The following ADK variants were observed in gnomAD, a reference collection of about 807,000 sequenced individuals.
The protein encoded by ADK is adenosine kinase.
Under a neutral mutation model 44.7 loss-of-function variants are expected in ADK, and 24 were observed. That is an observed-to-expected ratio of 0.54 (90% CI 0.39 to 0.76). ADK has a LOEUF of 0.76. Ranked by LOEUF, ADK falls within the 30% of genes least tolerant of loss-of-function variation. ADK has a pLI of 0.00. For synonymous variants in ADK, 128 were observed against 142.6 expected, an observed-to-expected ratio of 0.90 and a Z score of 0.73; for missense variants, 321 against 425.1, an observed-to-expected ratio of 0.76 and a Z score of 2.15.
intron 9 of ADK, among the ~76,000 whole-genome samples, chr10:74,602,883 T>A (rs1852190461): frequency 1.3e-5 from 2 of 152,194 alleles, no homozygotes; most frequent in African/African-American, 4.8e-5. Context: ...TAAAAGAGAA[T>A]TAAAGATTTT....
intron 6 of ADK, among the ~76,000 whole-genome samples, chr10:74,513,294 G>A (rs568131754): frequency 1.4e-3 from 208 of 152,230 alleles, no homozygotes; most frequent in Non-Finnish European, 2.3e-3. Flanking sequence ...GTTTAACTCT[G>A]ATGTTTCTTT....
intron 1 of ADK, among the ~76,000 whole-genome samples, chr10:74,161,866 C>T (rs1472558426): frequency 1.3e-5 from 2 of 151,836 alleles, no homozygotes; most frequent in Admixed American, 1.3e-4. Flanking sequence ...CCACTGTGCC[C>T]AGCTAATTAA....
intron 3 of ADK, among the ~76,000 whole-genome samples, chr10:74,265,406 G>A (rs1846179134): frequency 6.6e-6 from 1 of 151,856 alleles, no homozygotes; most frequent in Admixed American, 6.6e-5. Flanking sequence ...AGTAGAGACG[G>A]GGTTTCACCA....
At chr10:74,206,474 CA>C (rs1843601386) in intron 2 of ADK, among the ~76,000 whole-genome samples, 1 of 152,158 alleles carries the variant, frequency 6.6e-6, no homozygotes, top group Admixed American at 6.5e-5. Context: ...AAACTGTTTT[CA>C]GATGACAACA....
chr10:74,431,287 T>G (rs1201826143), intron 6 of ADK, among the ~76,000 whole-genome samples: 1 of 152,114 alleles, frequency 6.6e-6, no homozygotes, highest in African/African-American at 2.4e-5. Flanking sequence ...CAGAAACCAA[T>G]AGATTGCCTT....
At chr10:74,472,619 G>C (rs562363819) in intron 6 of ADK, among the ~76,000 whole-genome samples, 1 of 151,990 alleles carries the variant, frequency 6.6e-6, no homozygotes. Context: ...ATGCATTGTC[G>C]TCTGGTAGCT....
chr10:74,558,784 C>A (rs1392458643), intron 7 of ADK, among the ~76,000 whole-genome samples: 2 of 152,138 alleles, frequency 1.3e-5, no homozygotes, highest in Non-Finnish European at 2.9e-5. Flanking sequence ...CTTCTGGAAG[C>A]TAGAAAGGCA....
chr10:74,465,889 G>A (rs913577362), intron 6 of ADK, among the ~76,000 whole-genome samples: 1 of 151,976 alleles, frequency 6.6e-6, no homozygotes, highest in Non-Finnish European at 1.5e-5. Flanking sequence ...TAATTTTTTT[G>A]TCTCAAACTT....
intron 7 of ADK, among the ~76,000 whole-genome samples, chr10:74,559,602 A>G (rs1209256558): frequency 6.6e-6 from 1 of 152,202 alleles, no homozygotes; most frequent in Non-Finnish European, 1.5e-5. Flanking sequence ...CTTTTGATAC[A>G]TTTTACCAAA....
intron 9 of ADK, among the ~76,000 whole-genome samples, chr10:74,612,393 T>A (rs1056055691): frequency 1.3e-5 from 2 of 152,124 alleles, no homozygotes; most frequent in African/African-American, 4.8e-5. Context: ...AGTGCTGAGA[T>A]TACAGACATG....
rs1841573321 is a variant in ADK, at chr10:74,151,240, A to G, written c.-39A>G. 1 of 1,548,562 alleles carries G rather than the reference A, an allele frequency of 6.5e-7. No homozygotes were observed. Among genetic ancestry groups the G allele is most frequent in the Non-Finnish European group, 8.7e-7 (1 of 1,145,956 alleles). The stretch of plus-strand genomic sequence containing the variant: ...GGCGGGACCAGAGAGTGGATGGCAG[A>G]GGTGGGCTGTAGAGCCAAAGTGGGG... On this transcript the variant is annotated 5_prime_UTR_variant, in exon 1 of 11. Coordinates refer to ENST00000539909, the MANE Select transcript of ADK (RefSeq NM_006721.4).
At chr10:74,444,394 T>C (rs1388112030) in intron 6 of ADK, among the ~76,000 whole-genome samples, 1 of 152,136 alleles carries the variant, frequency 6.6e-6, no homozygotes, top group African/African-American at 2.4e-5. Flanking sequence ...GTAAGTAGAC[T>C]TGCCCATCTC....
intron 7 of ADK, among the ~76,000 whole-genome samples, chr10:74,534,115 GT>G (rs925581128): frequency 6.6e-6 from 1 of 152,198 alleles, no homozygotes; most frequent in African/African-American, 2.4e-5. Flanking sequence ...TGGGGACAGG[GT>G]TATGCTATGA....
chr10:74,666,652 T>C (rs1854965544), intron 9 of ADK, among the ~76,000 whole-genome samples: 1 of 152,106 alleles, frequency 6.6e-6, no homozygotes, highest in Non-Finnish European at 1.5e-5. Flanking sequence ...ATTTCATGCC[T>C]AAGAAAACTA....
At chr10:74,657,088 A>C (rs1278365717) in intron 9 of ADK, among the ~76,000 whole-genome samples, 1 of 151,854 alleles carries the variant, frequency 6.6e-6, no homozygotes, top group East Asian at 1.9e-4. Context: ...TTTTTGTAGA[A>C]ACAGGGCCAT....
At chr10:74,326,860 T>C (rs901018685) in intron 4 of ADK, among the ~76,000 whole-genome samples, 2 of 152,052 alleles carry the variant, frequency 1.3e-5, no homozygotes, top group African/African-American at 4.8e-5. Flanking sequence ...TATAATTCTT[T>C]ATATTTCTCT....
At chr10:74,402,532 A>G (rs1023078056) in intron 6 of ADK, among the ~76,000 whole-genome samples, 6 of 152,058 alleles carry the variant, frequency 3.9e-5, no homozygotes, top group Non-Finnish European at 5.9e-5. Context: ...CACTTGATCG[A>G]ATCAGCTACT....
intron 4 of ADK, among the ~76,000 whole-genome samples, chr10:74,320,595 T>C (rs1840775006): frequency 6.6e-6 from 1 of 152,178 alleles, no homozygotes; most frequent in African/African-American, 2.4e-5. Flanking sequence ...GTTTTCCTTC[T>C]GGCATTCTCA....
intron 7 of ADK, among the ~76,000 whole-genome samples, chr10:74,585,096 C>T (rs1366537714): frequency 6.6e-6 from 1 of 152,034 alleles, no homozygotes; most frequent in East Asian, 1.9e-4. Context: ...CTTGCTGATC[C>T]CTTTAAATAG....
Sources: allele counts gnomAD v4.1 joint callset (sites outside exome capture counted in the v4.1 genomes callset), GRCh38; gene constraint gnomAD v4.1.1; transcripts MANE v1.5; gene names NCBI Gene and HGNC (gene_info 2026-07-23, HGNC 2026-07-21).